PTPRM: variants seen among roughly 807,000 people sequenced by gnomAD.
PTPRM encodes protein tyrosine phosphatase receptor type M, also known as receptor-type tyrosine-protein phosphatase mu.
In PTPRM, 47 loss-of-function variants were observed where a neutral mutation model predicts 186.7. The observed-to-expected ratio is 0.25, with a 90% CI of 0.20 to 0.32. The LOEUF is 0.32. Among genes scored for constraint, PTPRM ranks in the 10% least tolerant of loss-of-function variants. PTPRM has a pLI of 1.00. For synonymous variants in PTPRM, 668 were observed against 674.9 expected (o/e 0.99, Z 0.16); for missense variants, 1,494 against 1,865.0 (o/e 0.80, Z 3.66).
At chr18:8,042,047 C>T (rs1437347592) in intron 7 of PTPRM, among the ~76,000 whole-genome samples, 1 of 152,176 alleles carries the variant, frequency 6.6e-6, no homozygotes, top group Non-Finnish European at 1.5e-5. Context: ...CTTAAACAAG[C>T]AGCTAAAATC....
intron 13 of PTPRM, among the ~76,000 whole-genome samples, chr18:8,132,299 G>T (rs553970740): frequency 6.6e-6 from 1 of 152,288 alleles, no homozygotes; most frequent in Admixed American, 6.5e-5. Flanking sequence ...TTAGATATTG[G>T]TATATGTTTA....
chr18:8,252,960 G>A (rs1601488333), intron 18 of PTPRM, among the ~76,000 whole-genome samples: 1 of 152,190 alleles, frequency 6.6e-6, no homozygotes, highest in South Asian at 2.1e-4. Context: ...AGCACTGGAA[G>A]GCTAAAGGGC....
rs545579201 is a variant in PTPRM, at chr18:8,284,617, G to T, written c.2755-11751G>T. ...AAAAAAAAATTAGCTAGGTATAGTG[G>T]CACATGCCCATAGTCCCAGCTACTC... On this transcript the variant is annotated intron_variant, in intron 19 of 32. Coordinates refer to ENST00000580170, the MANE Select transcript of PTPRM (RefSeq NM_001105244.2). Among the ~76,000 whole-genome samples the T allele has an allele frequency of 1.6e-3, 237 of 152,152 alleles. 2 individuals carry two copies. Among genetic ancestry groups the T allele is most frequent in the African/African-American group, 5.6e-3 (231 of 41,516 alleles).
intron 2 of PTPRM, among the ~76,000 whole-genome samples, chr18:7,794,790 A>C (rs1237391490): frequency 6.6e-6 from 1 of 152,190 alleles, no homozygotes; most frequent in African/African-American, 2.4e-5. Flanking sequence ...TTAAAAATTA[A>C]ATCTTGGCAT....
At chr18:8,293,339 C>A (rs2095061159) in intron 19 of PTPRM, among the ~76,000 whole-genome samples, 1 of 152,206 alleles carries the variant, frequency 6.6e-6, no homozygotes, top group African/African-American at 2.4e-5. Context: ...GCTGAAGAAA[C>A]ACAGCTGTGA....
At chr18:7,940,229 C>T (rs2052081130) in intron 5 of PTPRM, among the ~76,000 whole-genome samples, 1 of 152,064 alleles carries the variant, frequency 6.6e-6, no homozygotes, top group East Asian at 1.9e-4. Context: ...CCAGTCCTCC[C>T]TAGGATGTAC....
intron 7 of PTPRM, among the ~76,000 whole-genome samples, chr18:8,024,791 C>T (rs1479329010): frequency 6.6e-6 from 1 of 151,170 alleles, no homozygotes; most frequent in African/African-American, 2.4e-5. Context: ...TTAAGCAATC[C>T]TTCCACCTCA....
At chr18:7,736,068 G>A (rs535691884) in intron 1 of PTPRM, among the ~76,000 whole-genome samples, 31 of 151,942 alleles carry the variant, frequency 2.0e-4, no homozygotes, top group Non-Finnish European at 3.7e-4. Context: ...CAGGACCTCC[G>A]AAGGCTGTGT....
intron 14 of PTPRM, among the ~76,000 whole-genome samples, chr18:8,195,820 A>C (rs1297606218): frequency 6.6e-6 from 1 of 152,206 alleles, no homozygotes; most frequent in Non-Finnish European, 1.5e-5. Context: ...TTACACTGAA[A>C]GCCCAGACTC....
rs976244097 is a variant in PTPRM at position 8,110,854 on chromosome 18, A to G, written c.1857-2632A>G. 3.3e-5 allele frequency among the ~76,000 whole-genome samples: 5 copies of G among 152,190 alleles called. No homozygotes were observed. In the East Asian group the frequency reaches 7.7e-4, roughly 23 times the overall value. ...TAAGTGTGAATCTTTACAATACTCAAAAGAAGTTGACTGTGGAAAGTCAGT... is the reference window on the plus strand; with the variant it reads ...TAAGTGTGAATCTTTACAATACTCAGAAGAAGTTGACTGTGGAAAGTCAGT... On this transcript the variant is annotated intron_variant, in intron 11 of 32. Coordinates refer to ENST00000580170, the MANE Select transcript of PTPRM (RefSeq NM_001105244.2).
At chr18:8,257,944 T>A (rs1382486025) in intron 19 of PTPRM, among the ~76,000 whole-genome samples, 2 of 152,132 alleles carry the variant, frequency 1.3e-5, no homozygotes, top group Non-Finnish European at 2.9e-5. Context: ...GCATACCATG[T>A]GGTGGGGATG....
intron 2 of PTPRM, among the ~76,000 whole-genome samples, chr18:7,853,279 G>C (rs1030423747): frequency 2.0e-5 from 3 of 152,218 alleles, no homozygotes; most frequent in Non-Finnish European, 4.4e-5. Flanking sequence ...GGTGTTTTCT[G>C]TTATCCTTAT....
chr18:7,770,833 G>T (rs1044138485), intron 1 of PTPRM, among the ~76,000 whole-genome samples: 2 of 151,156 alleles, frequency 1.3e-5, no homozygotes, highest in Non-Finnish European at 2.9e-5. Context: ...TGTTATTTTG[G>T]GGGGGTCCCA....
rs75915663 is a variant in PTPRM, at chr18:7,749,334, C to T, written c.74-24815C>T. 7.3e-5 allele frequency: 11 copies of T among 151,170 alleles called. 1 individual carries two copies. The East Asian group carries it at 2.1e-3, about 29-fold the overall frequency. 9.4% of individuals were successfully genotyped at this position (151,170 alleles called of 1,614,324 possible). A position where few individuals can be genotyped will look rare whatever the true frequency, so the allele number is the denominator to read the frequency against. On this transcript the variant is annotated intron_variant, in intron 1 of 32. Transcript: ENST00000580170. Reference sequence around the variant, plus strand: ...GCAAGTTGTGAGTTAAAAAAAAAAACAACAAAAAAAACTCACATTTTTTTT... The same window carrying T: ...GCAAGTTGTGAGTTAAAAAAAAAAATAACAAAAAAAACTCACATTTTTTTT...
chr18:7,764,295 T>G (rs2041919271), intron 1 of PTPRM, among the ~76,000 whole-genome samples: 1 of 152,240 alleles, frequency 6.6e-6, no homozygotes, highest in South Asian at 2.1e-4. Flanking sequence ...TAATAATACT[T>G]AAAAAGGTCA....
intron 14 of PTPRM, among the ~76,000 whole-genome samples, chr18:8,225,446 GTTC>G (rs2094202350): frequency 6.6e-6 from 1 of 151,972 alleles, no homozygotes; most frequent in Admixed American, 6.6e-5. Flanking sequence ...ACAACAGGAT[GTTC>G]TTAGCTCATC....
chr18:7,686,695 T>A (rs1465551592), intron 1 of PTPRM, among the ~76,000 whole-genome samples: 1 of 152,214 alleles, frequency 6.6e-6, no homozygotes, highest in African/African-American at 2.4e-5. Flanking sequence ...CTCATTCTAT[T>A]TGTTGCATGA....
intron 2 of PTPRM, among the ~76,000 whole-genome samples, chr18:7,881,781 C>T (rs1432184700): frequency 6.6e-6 from 1 of 152,128 alleles, no homozygotes; most frequent in African/African-American, 2.4e-5. Context: ...CCTTTATTTT[C>T]TCCTTTCCTT....
At chr18:7,693,420 T>G (rs1213821599) in intron 1 of PTPRM, among the ~76,000 whole-genome samples, 1 of 152,150 alleles carries the variant, frequency 6.6e-6, no homozygotes, top group Non-Finnish European at 1.5e-5. Flanking sequence ...AGACCTACCT[T>G]CCTACCGTTT....
Sources: gnomAD v4.1 joint callset for allele counts (sites outside exome capture counted in the v4.1 genomes callset) on GRCh38, gnomAD v4.1.1 for gene constraint, MANE v1.5 for transcripts, NCBI Gene and HGNC (gene_info 2026-07-23, HGNC 2026-07-21) for gene names.